Variants in ZNF292 observed in about 807,000 individuals in gnomAD.
The protein encoded by ZNF292 is 16 zinc-finger domain protein.
In ZNF292, 26 loss-of-function variants were observed where a neutral mutation model predicts 217.9. The observed-to-expected ratio is 0.12, with a 90% CI of 0.09 to 0.17. The LOEUF (loss-of-function observed/expected upper bound fraction) is 0.17. Among genes scored for constraint, ZNF292 ranks in the 10% least tolerant of loss-of-function variants. The pLI is 1.00. For synonymous variants in ZNF292, 1,257 were observed against 1,124.1 expected, an observed-to-expected ratio of 1.12 and a Z score of -2.37; for missense variants, 2,904 against 3,175.2, an observed-to-expected ratio of 0.91 and a Z score of 2.05.
chr6:87,171,413 T>G (rs1475363840), intron 1 of ZNF292, among the ~76,000 whole-genome samples: 1 of 152,024 alleles, frequency 6.6e-6, no homozygotes, highest in Non-Finnish European at 1.5e-5. Context: ...TTGTTTGTTT[T>G]TTTAATCTCT....
rs538585724 is a variant in ZNF292, at chr6:87,216,142, CACACACACACACACAA to C, written c.323+86_323+101del. ...ACACACACACACACACACACACACA[CACACACACACACACAA>C]CATTAAATCTCAAGTCTTATAGTTT... On this transcript the variant is annotated intron_variant, in intron 2 of 7. Coordinates refer to ENST00000369577, the MANE Select transcript of ZNF292 (RefSeq NM_015021.3). The C allele has an allele frequency of 6.0e-5, 54 of 899,822 alleles. No individual in the cohort carries two copies. In the Middle Eastern group the frequency reaches 1.2e-3, roughly 20 times the overall value. The allele number at this position is 899,822 out of a possible 1,614,324, so 55.7% of individuals were successfully genotyped here. A position where few individuals can be genotyped will look rare whatever the true frequency, so the allele number is the denominator to read the frequency against.
At chr6:87,156,019 G>A (rs1013368524) in intron 1 of ZNF292, among the ~76,000 whole-genome samples, 2 of 152,252 alleles carry the variant, frequency 1.3e-5, no homozygotes, top group Non-Finnish European at 2.9e-5. Flanking sequence ...CTGAACTCGG[G>A]ACTGCGCGGT....
At chr6:87,219,094 C>T (rs1772941599) in intron 4 of ZNF292, among the ~76,000 whole-genome samples, 1 of 152,098 alleles carries the variant, frequency 6.6e-6, no homozygotes, top group South Asian at 2.1e-4. Flanking sequence ...AATAAGAAGT[C>T]AGTACTAGAA....
chr6:87,208,269 G>A (rs73483774), intron 1 of ZNF292, among the ~76,000 whole-genome samples: 12,433 of 152,104 alleles, frequency 0.082, 861 homozygotes, highest in African/African-American at 0.19. Flanking sequence ...TGGACATTCA[G>A]TGGGTCTTTT....
chr6:87,256,150 C>G lies in ZNF292; in HGVS notation c.2521C>G (p.Pro841Ala). ...TACTCCTCCTGAAAAAGTGCTGCCT[C>G]CTGAAGCCCAACTTAATTCATCTGG... Reference protein sequence around the residue: ...HSTPPEKVLPPEAQLNSSGDS... With the variant: ...HSTPPEKVLPAEAQLNSSGDS... Residue 841 changes from proline to alanine, a missense_variant, in exon 8 of 8, where the codon CCT becomes GCT. Pro to Ala is a conservative substitution (Grantham distance 27, BLOSUM62 -1). Transcript: ENST00000369577. The G allele has an allele frequency of 6.2e-7, 1 of 1,613,800 alleles. No individual in the cohort carries two copies. The highest frequency in any genetic ancestry group is 8.5e-7 in the Non-Finnish European group (1 of 1,179,834).
chr6:87,234,953 T>A (rs970581730), intron 5 of ZNF292, among the ~76,000 whole-genome samples: 1 of 152,100 alleles, frequency 6.6e-6, no homozygotes, highest in African/African-American at 2.4e-5. Flanking sequence ...GGGTTTCTTA[T>A]GTGAGGATAT....
Position 87,257,335 on chromosome 6 carries a change from A to G in ZNF292, c.3706A>G (p.Ser1236Gly). 6.2e-7 allele frequency: 1 copy of G among 1,613,740 alleles called. No homozygotes were observed. Among genetic ancestry groups the G allele is most frequent in the Non-Finnish European group, 8.5e-7 (1 of 1,179,790 alleles). The change falls in exon 8 of 8, where the codon AGT becomes GGT. Residue 1236 changes from serine to glycine, a missense_variant. Ser to Gly is a moderately conservative substitution (Grantham distance 56). This residue lies in a region of ZNF292 where 687 missense variants were observed against 623.0 expected (regional missense o/e 1.10). Coordinates refer to ENST00000369577, the MANE Select transcript of ZNF292 (RefSeq NM_015021.3). Reference sequence around the variant, plus strand: ...ATGTTCCCAAATGGAAAATTTACCTAGTACTGCCTTGCCAGCACAAATGGA... The same window carrying G: ...ATGTTCCCAAATGGAAAATTTACCTGGTACTGCCTTGCCAGCACAAATGGA... ...MLCSQMENLP[S>G]TALPAQMEDL... is the part of the protein sequence containing the mutation.
At chr6:87,171,394 GT>G (rs369745986) in intron 1 of ZNF292, among the ~76,000 whole-genome samples, 16 of 147,388 alleles carry the variant, frequency 1.1e-4, no homozygotes, top group South Asian at 6.5e-4. Flanking sequence ...TTTTTTGTTG[GT>G]TTTTTTTTTG....
intron 1 of ZNF292, among the ~76,000 whole-genome samples, chr6:87,168,387 T>A (rs1770983313): frequency 6.6e-6 from 1 of 152,188 alleles, no homozygotes; most frequent in Non-Finnish European, 1.5e-5. Context: ...AAAATAAAAT[T>A]TCAAATACCT....
Position 87,237,238 on chromosome 6 carries a change from CTGTT to C in ZNF292, c.741+3725_741+3728del, listed in dbSNP as rs200188191. On this transcript the variant is annotated intron_variant, in intron 5 of 7. Coordinates refer to ENST00000369577, the MANE Select transcript of ZNF292 (RefSeq NM_015021.3). ...TTGATAAGCAAATCAATTTTTTAAA[CTGTT>C]TGTTTGTTTGTTTTTTTGGAGACAG... 5.0e-3 allele frequency among the ~76,000 whole-genome samples: 760 copies of C among 151,964 alleles called. 2 individuals carry two copies. The highest frequency in any genetic ancestry group is 0.015 in the African/African-American group (639 of 41,458).
chr6:87,255,378 T>G lies in ZNF292; in HGVS notation c.1749T>G (p.Thr583=), dbSNP rs377382154. The change falls in exon 8 of 8, where the codon ACT becomes ACG. Residue 583 remains threonine, a synonymous_variant. Transcript: ENST00000369577. ...ICAKNFNSKE[T]FVPHVTLHVK... Reference sequence around the variant, plus strand: ...CAAAGAACTTTAATTCTAAAGAAACTTTTGTCCCTCATGTCACACTGCATG... The same window carrying G: ...CAAAGAACTTTAATTCTAAAGAAACGTTTGTCCCTCATGTCACACTGCATG... The G allele has an allele frequency of 2.0e-5, 32 of 1,613,688 alleles. No individual in the cohort carries two copies. In the African/African-American group the frequency reaches 4.0e-4, roughly 20 times the overall value.
chr6:87,212,941 T>A, intron 1 of ZNF292, among the ~76,000 whole-genome samples: 1 of 152,212 alleles, frequency 6.6e-6, no homozygotes, highest in East Asian at 1.9e-4. Flanking sequence ...AGTTAAGAAT[T>A]CTTCTGTGTA....
At chr6:87,233,800 T>A in intron 5 of ZNF292, 1 of 342,134 alleles carries the variant, frequency 2.9e-6, no homozygotes, top group Non-Finnish European at 4.1e-6. Context: ...AACAGTTTAG[T>A]AAAATATCTA....
intron 1 of ZNF292, among the ~76,000 whole-genome samples, chr6:87,215,387 T>C (rs1481829416): frequency 1.3e-5 from 2 of 152,204 alleles, no homozygotes; most frequent in African/African-American, 4.8e-5. Flanking sequence ...TTTGGATGAC[T>C]TTTTAATTGC....
intron 4 of ZNF292, among the ~76,000 whole-genome samples, chr6:87,219,261 G>T (rs952401187): frequency 6.6e-6 from 1 of 152,006 alleles, no homozygotes; most frequent in Admixed American, 6.6e-5. Flanking sequence ...ATGTTTTTTA[G>T]AGTTTAAAAT....
rs148477006 is a variant in ZNF292, at chr6:87,250,803, C to G, written c.1021-3847C>G. ...GGGATCTTTTTATTTATATAGTATA[C>G]TCTTCACTAGACTCCTTGAGGTTTA... On this transcript the variant is annotated intron_variant, in intron 7 of 7. Transcript: ENST00000369577. Among the ~76,000 whole-genome samples, 8 of 152,304 alleles carry G rather than the reference C, an allele frequency of 5.3e-5. No individual in the cohort carries two copies. In the East Asian group the frequency reaches 1.3e-3, roughly 26 times the overall value.
chr6:87,168,840 A>G (rs1177337991), intron 1 of ZNF292, among the ~76,000 whole-genome samples: 1 of 152,120 alleles, frequency 6.6e-6, no homozygotes, highest in Non-Finnish European at 1.5e-5. Flanking sequence ...CGGTATTCGT[A>G]GAGAATTGGC....
chr6:87,194,146 G>A (rs912529210), intron 1 of ZNF292, among the ~76,000 whole-genome samples: 4 of 152,088 alleles, frequency 2.6e-5, no homozygotes, highest in Non-Finnish European at 5.9e-5. Flanking sequence ...ACAGCTATCA[G>A]AATGAATTTA....
At chr6:87,239,811 G>C (rs1220804582) in intron 5 of ZNF292, among the ~76,000 whole-genome samples, 1 of 151,238 alleles carries the variant, frequency 6.6e-6, no homozygotes, top group Non-Finnish European at 1.5e-5. Flanking sequence ...GAGCAGAGAC[G>C]CTCCTCACTT....
Sources: allele counts gnomAD v4.1 joint callset (sites outside exome capture counted in the v4.1 genomes callset), GRCh38; gene constraint gnomAD v4.1.1; regional missense constraint gnomAD v4.1.1; transcripts MANE v1.5; gene names NCBI Gene and HGNC (gene_info 2026-07-23, HGNC 2026-07-21).